Variants in ANO4 observed in about 807,000 individuals in gnomAD.
ANO4 encodes the protein anoctamin 4.
Under a neutral mutation model 141.9 loss-of-function variants are expected in ANO4, and 69 were observed. The observed-to-expected ratio is 0.49, with a 90% CI of 0.40 to 0.59. ANO4 has a LOEUF of 0.59. Among genes scored for constraint, ANO4 ranks in the 20% least tolerant of loss-of-function variants. ANO4 has a pLI of 0.00. For missense variants in ANO4, 894 were observed against 1,162.2 expected, an observed-to-expected ratio of 0.77 and a Z score of 3.36; for synonymous variants, 350 against 394.3, an observed-to-expected ratio of 0.89 and a Z score of 1.33.
intron 1 of ANO4, among the ~76,000 whole-genome samples, chr12:100,883,340 T>C (rs1195653174): frequency 6.6e-6 from 1 of 152,174 alleles, no homozygotes; most frequent in African/African-American, 2.4e-5. Context: ...GGCCATAAGG[T>C]CTCTGTCATG....
At position 101,126,900 on chromosome 12, in the gene ANO4, C is replaced by T. The variant is rs1381611840; in HGVS notation, c.2698C>T (p.His900Tyr). Residue 900 changes from histidine to tyrosine, a missense_variant, in exon 27 of 28, where the codon CAC becomes TAC. His to Tyr is a moderately conservative substitution (Grantham distance 83). This residue lies in a region of ANO4 where 637 missense variants were observed against 909.2 expected (regional missense o/e 0.70). Transcript: ENST00000392977. ...TTAGCACCTCGTGTTTTGTATAAAG[C>T]ACCTCATTTCATATCTGATCCCAGA... ...VFEHLVFCIK[H>Y]LISYLIPDLP... 3 of 1,614,022 alleles carry T rather than the reference C, an allele frequency of 1.9e-6. No individual in the cohort carries two copies. The highest frequency in any genetic ancestry group is 2.2e-5 in the South Asian group (2 of 91,066).
At chr12:100,952,494 C>T (rs2043010158) in intron 5 of ANO4, among the ~76,000 whole-genome samples, 2 of 152,168 alleles carry the variant, frequency 1.3e-5, no homozygotes, top group South Asian at 4.2e-4. Context: ...TCCTGAAGCT[C>T]AAGCATTCAA....
At chr12:101,040,142 G>T in intron 11 of ANO4, 66 bp downstream of exon 11, 1 of 1,504,644 alleles carries the variant, frequency 6.6e-7, no homozygotes, top group Non-Finnish European at 8.9e-7. Context: ...TGTCAGCTGG[G>T]ACAAGCTCCC....
intron 3 of ANO4, among the ~76,000 whole-genome samples, chr12:100,937,725 C>G (rs148024393): frequency 6.6e-6 from 1 of 152,258 alleles, no homozygotes; most frequent in Non-Finnish European, 1.5e-5. Context: ...GTCCCAAAAT[C>G]AAGACTCTCC....
intron 3 of ANO4, among the ~76,000 whole-genome samples, chr12:100,777,820 C>A (rs1274410082): frequency 6.6e-6 from 1 of 152,006 alleles, no homozygotes; most frequent in Non-Finnish European, 1.5e-5. Context: ...TTAATATTCA[C>A]TTTGTTCAGG....
chr12:101,029,355 C>A (rs1429466007), intron 9 of ANO4, among the ~76,000 whole-genome samples: 1 of 152,088 alleles, frequency 6.6e-6, no homozygotes, highest in Admixed American at 6.5e-5. Context: ...TGTAAATGGG[C>A]AAAATGCCCC....
chr12:101,100,790 TTAA>T (rs2050158778), intron 22 of ANO4, among the ~76,000 whole-genome samples: 1 of 152,240 alleles, frequency 6.6e-6, no homozygotes, highest in South Asian at 2.1e-4. Flanking sequence ...TGCTATTTTC[TTAA>T]TAACTTCCCC....
At chr12:101,104,660 TATATATATATAAATA>T (rs2050365161) in intron 22 of ANO4, among the ~76,000 whole-genome samples, 1 of 62,384 alleles carries the variant, frequency 1.6e-5, no homozygotes, top group African/African-American at 1.1e-4. Flanking sequence ...TATATATATA[TATATATATATAAATA>T]AAAAGATTTA....
intron 1 of ANO4, among the ~76,000 whole-genome samples, chr12:100,819,842 C>T (rs2035938672): frequency 6.6e-6 from 1 of 151,338 alleles, no homozygotes; most frequent in Non-Finnish European, 1.5e-5. Flanking sequence ...GTCTTGTTTC[C>T]TCTCCCTATT....
chr12:100,928,514 C>T (rs77186564), intron 3 of ANO4, among the ~76,000 whole-genome samples: 12,349 of 152,000 alleles, frequency 0.081, 664 homozygotes, highest in African/African-American at 0.13. Context: ...AATCTAATAG[C>T]TAATAAGTGG....
chr12:100,941,016 G>T (rs1792631390), intron 4 of ANO4, among the ~76,000 whole-genome samples: 1 of 151,944 alleles, frequency 6.6e-6, no homozygotes, highest in South Asian at 2.1e-4. Context: ...TTATGAACCA[G>T]AATGCTATTT....
chr12:101,107,473 T>G (rs1450012575), intron 22 of ANO4, among the ~76,000 whole-genome samples: 1 of 152,114 alleles, frequency 6.6e-6, no homozygotes, highest in African/African-American at 2.4e-5. Flanking sequence ...TAATTACAAT[T>G]ATGAAAGACT....
chr12:100,983,613 T>G (rs1328784438), intron 7 of ANO4, among the ~76,000 whole-genome samples: 1 of 152,246 alleles, frequency 6.6e-6, no homozygotes, highest in Non-Finnish European at 1.5e-5. Flanking sequence ...TTCTAGAGGC[T>G]GCCTGCATTC....
intron 3 of ANO4, among the ~76,000 whole-genome samples, chr12:100,776,989 T>A (rs1421772268): frequency 1.3e-5 from 2 of 152,108 alleles, no homozygotes; most frequent in Non-Finnish European, 2.9e-5. Context: ...AGTTTTAGAG[T>A]TATAAGGCAC....
chr12:101,074,786 A>T (rs556212369), intron 14 of ANO4, among the ~76,000 whole-genome samples: 11 of 152,338 alleles, frequency 7.2e-5, no homozygotes, highest in Non-Finnish European at 1.3e-4. Context: ...CTTCAAATTC[A>T]TATCTTAATT....
intron 14 of ANO4, among the ~76,000 whole-genome samples, chr12:101,070,138 A>T (rs565683651): frequency 6.6e-6 from 1 of 152,182 alleles, no homozygotes; most frequent in Non-Finnish European, 1.5e-5. Context: ...AATACCAATT[A>T]TGTGCTTCAC....
intron 25 of ANO4, among the ~76,000 whole-genome samples, chr12:101,119,181 A>G (rs570588794): frequency 1.3e-5 from 2 of 152,248 alleles, no homozygotes; most frequent in African/African-American, 2.4e-5. Context: ...TATAGAGGCC[A>G]GGTGCAGTGG....
chr12:101,098,161 T>A (rs191725063), intron 21 of ANO4, among the ~76,000 whole-genome samples: 1 of 152,296 alleles, frequency 6.6e-6, no homozygotes, highest in Non-Finnish European at 1.5e-5. Context: ...CAAACGTGAA[T>A]ATTCTTTAAG....
At chr12:100,953,210 G>T (rs2043044301) in intron 5 of ANO4, among the ~76,000 whole-genome samples, 1 of 152,128 alleles carries the variant, frequency 6.6e-6, no homozygotes, top group Non-Finnish European at 1.5e-5. Context: ...TGCTGTTTTT[G>T]CTATGTTATG....
Sources: gnomAD v4.1 joint callset for allele counts (sites outside exome capture counted in the v4.1 genomes callset) on GRCh38, gnomAD v4.1.1 for gene constraint, gnomAD v4.1.1 regional missense constraint, MANE v1.5 for transcripts, NCBI Gene and HGNC (gene_info 2026-07-23, HGNC 2026-07-21) for gene names.